Variants in CNTD1 observed in about 807,000 individuals in gnomAD.
CNTD1 encodes the protein cyclin N-terminal domain-containing protein 1.
Under a neutral mutation model 36.3 loss-of-function variants are expected in CNTD1, and 17 were observed. The ratio of observed to expected loss-of-function variants is 0.47; its 90% confidence interval spans 0.32 to 0.70. CNTD1 has a LOEUF of 0.70. CNTD1 is among the 30% of genes least tolerant of loss of function. CNTD1 has a pLI of 0.03. For missense variants in CNTD1, 338 were observed against 386.1 expected (o/e 0.88, Z 1.04); for synonymous variants, 128 against 153.3 (o/e 0.83, Z 1.22).
At chr17:42,799,848 G>A (rs2054745661) in intron 1 of CNTD1, among the ~76,000 whole-genome samples, 1 of 146,010 alleles carries the variant, frequency 6.8e-6, no homozygotes, top group African/African-American at 2.5e-5. Flanking sequence ...GGCAGATCAC[G>A]AGGTCAGGAG....
rs2055005840 is a variant in CNTD1, at chr17:42,811,547, T to C, written c.*2012T>C. ...TCAATGTCATGTGATTCTGTGCCAT[T>C]TTTTTGCTTTCCCACCATTTATACT... On this transcript the variant is annotated 3_prime_UTR_variant, in exon 7 of 7. Transcript: ENST00000588408. The C allele has an allele frequency of 6.9e-6, 10 of 1,439,126 alleles. No homozygotes were observed. The highest frequency in any genetic ancestry group is 2.8e-5 in the South Asian group (2 of 72,492). The allele number at this position is 1,439,126 out of a possible 1,614,324, so 89.1% of individuals were successfully genotyped here. A position where few individuals can be genotyped will look rare whatever the true frequency, so the allele number is the denominator to read the frequency against.
At position 42,804,290 on chromosome 17, in the gene CNTD1, G is replaced by A. The variant is rs756806659; in HGVS notation, c.311G>A (p.Arg104Lys). Residue 104 changes from arginine (R) to lysine (K), a missense_variant, in exon 3 of 7, where the codon AGA becomes AAA. Arg to Lys is a conservative substitution (Grantham distance 26, BLOSUM62 2). Transcript: ENST00000588408. The part of the protein sequence containing the change: ...QATIQPRDNK[R>K]ESQNWRALKQ... ...ACAATCCAGCCAAGAGATAATAAGA[G>A]AGAGTCTCAGAATTGGAGGGCTCTG... The A allele has an allele frequency of 6.2e-7, 1 of 1,614,092 alleles. No homozygotes were observed. Among genetic ancestry groups the A allele is most frequent in the Admixed American group, 1.7e-5 (1 of 60,006 alleles).
upstream of CNTD1, chr17:42,798,817 G>A (rs972671079): frequency 2.1e-5 from 31 of 1,447,940 alleles, no homozygotes; most frequent in Non-Finnish European, 2.6e-5. Flanking sequence ...GGGCACAGGG[G>A]ATGGACGCGG....
At position 42,803,625 on chromosome 17, in the gene CNTD1, G is replaced by A; in HGVS notation, c.175G>A (p.Val59Ile). Residue 59 changes from valine (V) to isoleucine (I), a missense_variant, in exon 2 of 7, where the codon GTT becomes ATT. By Grantham distance (29) the Val-to-Ile change is conservative. Coordinates refer to ENST00000588408, the MANE Select transcript of CNTD1 (RefSeq NM_173478.3). ...RFREPQIVEF[V>I]FLLSEQWCLE... ...CTTTTTTCCTGTTTTGGCAGAGTTT[G>A]TTTTTCTCCTGTCTGAACAATGGTG... is the stretch of plus-strand genomic sequence containing the variant. The A allele has an allele frequency of 3.1e-6, 5 of 1,612,976 alleles. No homozygotes were observed. The highest frequency in any genetic ancestry group is 3.4e-6 in the Non-Finnish European group (4 of 1,179,564).
At chr17:42,807,046 AT>A (rs2054891066) in intron 5 of CNTD1, among the ~76,000 whole-genome samples, 1 of 152,148 alleles carries the variant, frequency 6.6e-6, no homozygotes, top group Admixed American at 6.5e-5. Context: ...TTTAATTAAT[AT>A]ATTTCCTTTC....
At chr17:42,807,033 T>A (rs2054890904) in intron 5 of CNTD1, among the ~76,000 whole-genome samples, 1 of 152,156 alleles carries the variant, frequency 6.6e-6, no homozygotes, top group African/African-American at 2.4e-5. Flanking sequence ...AAATTTAAAT[T>A]ACTTTAATTA....
chr17:42,801,178 C>G (rs1420850477), intron 1 of CNTD1, among the ~76,000 whole-genome samples: 2 of 138,946 alleles, frequency 1.4e-5, no homozygotes, highest in Non-Finnish European at 3.0e-5. Flanking sequence ...GAGCAAGACT[C>G]TGTCTCCCAA....
intron 5 of CNTD1, 142 bp downstream of exon 5, chr17:42,806,960 AAT>A: frequency 1.4e-6 from 1 of 695,136 alleles, no homozygotes. Flanking sequence ...CATTAGTTCC[AAT>A]ATGTTGTTTG....
Position 42,804,333 on chromosome 17 carries a change from C to G in CNTD1, c.354C>G (p.Asn118Lys), listed in dbSNP as rs1488745292. 1 of 1,614,094 alleles carries G rather than the reference C, an allele frequency of 6.2e-7. No homozygotes were observed. Among genetic ancestry groups the G allele is most frequent in the Middle Eastern group, 1.6e-4 (1 of 6,062 alleles). Residue 118 changes from asparagine (N) to lysine (K), a missense_variant, in exon 3 of 7, where the codon AAC (asparagine) becomes AAG (lysine). By Grantham distance (94) the Asn-to-Lys change is moderately conservative (BLOSUM62 0). Transcript: ENST00000588408. ...NWRALKQQLV[N>K]KFTLRLVSCV... is the part of the protein sequence containing the mutation. Reference sequence around the variant, plus strand: ...GGGCTCTGAAACAGCAGCTTGTCAACAAGTTTACTCTCCGTCTTGTGTCAT... The same window carrying G: ...GGGCTCTGAAACAGCAGCTTGTCAAGAAGTTTACTCTCCGTCTTGTGTCAT...
Position 42,798,980 on chromosome 17 carries a change from A to G in CNTD1, c.-88A>G. ...CTCATTGGAAGGGGACGAGGAATCC[A>G]GGGTGTGGCAGAAGACTGGAGAGGA... On this transcript the variant is annotated 5_prime_UTR_variant, in exon 1 of 7. Transcript: ENST00000588408. 6.6e-7 allele frequency: 1 copy of G among 1,525,486 alleles called. No individual in the cohort carries two copies. Among genetic ancestry groups the G allele is most frequent in the Non-Finnish European group, 8.8e-7 (1 of 1,138,302 alleles). The allele number at this position is 1,525,486 out of a possible 1,614,324, so 94.5% of individuals were successfully genotyped here. A position where few individuals can be genotyped will look rare whatever the true frequency, so the allele number is the denominator to read the frequency against.
At position 42,804,302 on chromosome 17, in the gene CNTD1, A is replaced by G; in HGVS notation, c.323A>G (p.Asn108Ser). 3 of 1,614,020 alleles carry G rather than the reference A, an allele frequency of 1.9e-6. No individual in the cohort carries two copies. Among genetic ancestry groups the G allele is most frequent in the Non-Finnish European group, 1.7e-6 (2 of 1,179,930 alleles). ...AGAGATAATAAGAGAGAGTCTCAGA[A>G]TTGGAGGGCTCTGAAACAGCAGCTT... Reference protein sequence around the residue: ...QPRDNKRESQNWRALKQQLVN... With the variant: ...QPRDNKRESQSWRALKQQLVN... The change falls in exon 3 of 7, where the codon AAT becomes AGT. Residue 108 changes from asparagine (N) to serine (S), a missense_variant. By Grantham distance (46) the Asn-to-Ser change is conservative. Transcript: ENST00000588408.
At chr17:42,799,752 CAAAAAAAAAAAA>C (rs780393099) in intron 1 of CNTD1, among the ~76,000 whole-genome samples, 297 of 10,580 alleles carry the variant, frequency 0.028, 4 homozygotes, top group African/African-American at 0.067. Context: ...AACTCCGTCT[CAAAAAAAAAAAA>C]AAAAAAAAAA....
intron 6 of CNTD1, 146 bp downstream of exon 6, chr17:42,808,010 A>T: frequency 1.7e-6 from 1 of 599,200 alleles, no homozygotes; most frequent in East Asian, 2.9e-5. Context: ...AGAGGGAAAA[A>T]TCTAGGATAG....
intron 3 of CNTD1, among the ~76,000 whole-genome samples, chr17:42,805,223 T>G (rs1205120521): frequency 6.6e-6 from 1 of 152,210 alleles, no homozygotes; most frequent in African/African-American, 2.4e-5. Context: ...GTTTATTCTA[T>G]GGCCAGATGC....
rs2054719922 is a variant in CNTD1, at chr17:42,798,870, G to C, written c.-198G>C. On this transcript the variant is annotated 5_prime_UTR_variant, in exon 1 of 7. Transcript: ENST00000588408. ...TGCTTTCTGATTGGCTGAGGAGTCC[G>C]TGGCCGTTGGGGCGGGAAAAAGCTG... 1 of 1,440,804 alleles carries C rather than the reference G, an allele frequency of 6.9e-7. No individual in the cohort carries two copies. Among genetic ancestry groups the C allele is most frequent in the African/African-American group, 1.4e-5 (1 of 69,922 alleles). 89.3% of individuals were successfully genotyped at this position (1,440,804 alleles called of 1,614,324 possible). A position where few individuals can be genotyped will look rare whatever the true frequency, so the allele number is the denominator to read the frequency against.
At chr17:42,801,495 C>CAAAAA (rs748783042) in intron 1 of CNTD1, among the ~76,000 whole-genome samples, 3 of 35,302 alleles carry the variant, frequency 8.5e-5, no homozygotes, top group Non-Finnish European at 8.7e-5. Flanking sequence ...GACCTTGTCT[C>CAAAAA]AAAAAAAAAA....
At chr17:42,800,088 AAAG>A (rs869274855) in intron 1 of CNTD1, among the ~76,000 whole-genome samples, 1 of 148,192 alleles carries the variant, frequency 6.7e-6, no homozygotes. Context: ...AAAAAAAAAA[AAAG>A]AGAAAAGAAA....
chr17:42,799,176 G>A lies in CNTD1; in HGVS notation c.109G>A (p.Glu37Lys), dbSNP rs1401066287. Reference sequence around the variant, plus strand: ...CCTGCTTCACTTGGCCCAGCAGAATGAGCAAGCAGTGAGGGAGGCTTCGGG... The same window carrying A: ...CCTGCTTCACTTGGCCCAGCAGAATAAGCAAGCAGTGAGGGAGGCTTCGGG... Reference protein sequence around the residue: ...DALLHLAQQNEQAVREASGRL... With the variant: ...DALLHLAQQNKQAVREASGRL... Residue 37 changes from glutamate to lysine, a missense_variant, in exon 1 of 7, where the codon GAG (glutamate) becomes AAG (lysine). Transcript: ENST00000588408. The A allele has an allele frequency of 2.5e-6, 4 of 1,614,162 alleles. No individual in the cohort carries two copies. The highest frequency in any genetic ancestry group is 3.4e-6 in the Non-Finnish European group (4 of 1,180,018).
intron 5 of CNTD1, 33 bp from the exon 6 acceptor site, chr17:42,807,735 A>C (rs1194660485): frequency 2.8e-6 from 4 of 1,448,344 alleles, no homozygotes; most frequent in African/African-American, 1.4e-5. Context: ...GTTCCATTCT[A>C]GCTTTAAAAT....
Sources: allele counts gnomAD v4.1 joint callset (sites outside exome capture counted in the v4.1 genomes callset), GRCh38; gene constraint gnomAD v4.1.1; transcripts MANE v1.5; gene names NCBI Gene and HGNC (gene_info 2026-07-23, HGNC 2026-07-21).